Variants in ITGA7 observed in about 807,000 individuals in gnomAD.
ITGA7 encodes integrin alpha-7.
Under a neutral mutation model 131.6 loss-of-function variants are expected in ITGA7, and 84 were observed. The ratio of observed to expected loss-of-function variants is 0.64; its 90% CI spans 0.54 to 0.77. The LOEUF is 0.77. ITGA7 is among the 30% of genes least tolerant of loss of function. The pLI, the probability that ITGA7 is intolerant of heterozygous loss-of-function variation, is 0.00. For missense variants in ITGA7, 1,399 were observed against 1,482.9 expected (o/e 0.94, Z 0.93); for synonymous variants, 548 against 600.7 (o/e 0.91, Z 1.28).
upstream of ITGA7, among the ~76,000 whole-genome samples, chr12:55,712,955 G>A (rs1432867574): frequency 6.6e-6 from 1 of 152,042 alleles, no homozygotes; most frequent in East Asian, 1.9e-4. Flanking sequence ...GAAGGGTGAG[G>A]GTAATACAGG....
At chr12:55,702,523 C>T (rs968027892) in intron 3 of ITGA7, among the ~76,000 whole-genome samples, 2 of 152,066 alleles carry the variant, frequency 1.3e-5, no homozygotes, top group Non-Finnish European at 2.9e-5. Context: ...CCATGTTGGT[C>T]CGGCTGGTCT....
intron 7 of ITGA7, 109 bp from the exon 8 acceptor site, chr12:55,698,135 G>T: frequency 1.8e-6 from 2 of 1,097,828 alleles, no homozygotes; most frequent in Non-Finnish European, 2.8e-6. Context: ...TTATTGAGAG[G>T]CTACAAAATC....
At position 55,685,078 on chromosome 12, in the gene ITGA7, G is replaced by A. The variant is rs1869765715; in HGVS notation, c.3394C>T (p.Pro1132Ser). ...GHPELGPDGH[P>S]GPGTA ...GGAACCTAGGCGGTGCCTGGCCCTG[G>A]ATGCCCATCGGGGCCCAGCTCGGGA... Residue 1132 changes from proline (P) to serine (S), a missense_variant, in exon 25 of 25, where the codon CCA becomes TCA. Physicochemically the swap from Pro to Ser is moderately conservative, Grantham distance 74. Transcript: ENST00000257879. The A allele has an allele frequency of 6.3e-7, 1 of 1,596,088 alleles. No individual in the cohort carries two copies. The highest frequency in any genetic ancestry group is 1.1e-5 in the South Asian group (1 of 89,438).
chr12:55,697,153 C>A, intron 11 of ITGA7, 63 bp downstream of exon 11: 1 of 1,574,232 alleles, frequency 6.4e-7, no homozygotes, highest in Non-Finnish European at 8.6e-7. Flanking sequence ...TCTACCACCT[C>A]GAAGTGACCC....
chr12:55,707,974 G>T (rs901830670), upstream of ITGA7: 158 of 1,296,458 alleles, frequency 1.2e-4, no homozygotes, highest in Non-Finnish European at 1.5e-4. Context: ...TCGCTCCCGC[G>T]GCAGGTGGAG....
At chr12:55,714,717 T>C (rs1009542167), upstream of ITGA7, among the ~76,000 whole-genome samples, 6 of 150,212 alleles carry the variant, frequency 4.0e-5, no homozygotes, top group South Asian at 2.1e-4. Context: ...TATACATATA[T>C]ACATATACAT....
intron 8 of ITGA7, 41 bp from the exon 9 acceptor site, chr12:55,697,863 G>C: frequency 6.2e-7 from 1 of 1,613,880 alleles, no homozygotes; most frequent in Non-Finnish European, 8.5e-7. Flanking sequence ...CCCACCTCCC[G>C]CAGGCCTCTG....
chr12:55,705,251 T>C (rs1304624659), intron 1 of ITGA7, among the ~76,000 whole-genome samples: 1 of 151,226 alleles, frequency 6.6e-6, no homozygotes, highest in Non-Finnish European at 1.5e-5. Context: ...CCCAGCAGCA[T>C]CCTCTCTAGT....
chr12:55,709,530 C>T (rs1875848168), upstream of ITGA7, among the ~76,000 whole-genome samples: 5 of 152,186 alleles, frequency 3.3e-5, no homozygotes, highest in Admixed American at 3.3e-4. Context: ...CATATGCTGT[C>T]AGCAGGGCTG....
In ITGA7 at chr12:55,698,753, C is replaced by T. The variant is rs200793865; in HGVS notation, c.955G>A (p.Gly319Ser). Residue 319 changes from glycine (G) to serine (S), a missense_variant, in exon 6 of 25, where the codon GGC becomes AGC. By Grantham distance (56) the Gly-to-Ser change is moderately conservative (BLOSUM62 0). Transcript: ENST00000257879. The stretch of plus-strand genomic sequence containing the variant: ...GCCACAGCCAGTGAGTAGCCAAAGC[C>T]GGAGGTCAGGCGCTCCCCAGACAGC... ...VMLSGERLTS[G>S]FGYSLAVADL... 7.7e-5 allele frequency: 125 copies of T among 1,614,150 alleles called. 4 individuals carry two copies. In the Middle Eastern group the frequency reaches 8.2e-4, roughly 11 times the overall value.
intron 24 of ITGA7, 27 bp downstream of exon 24, chr12:55,687,944 C>T (rs758584095): frequency 1.9e-6 from 3 of 1,613,808 alleles, no homozygotes; most frequent in Non-Finnish European, 2.5e-6. Flanking sequence ...GAAGTCCACC[C>T]CCATCAGCCC....
intron 24 of ITGA7, chr12:55,686,174 T>C (rs1870077852): frequency 8.1e-7 from 1 of 1,239,248 alleles, no homozygotes; most frequent in African/African-American, 1.5e-5. Context: ...CCACACACAC[T>C]AGACACATGC....
At chr12:55,699,045 G>GC in intron 5 of ITGA7, 128 bp from the exon 6 acceptor site, 1 of 811,304 alleles carries the variant, frequency 1.2e-6, no homozygotes, top group Non-Finnish European at 2.0e-6. Context: ...CCTGCACCCT[G>GC]CCCCCTCCCC....
rs2135989605 is a variant in ITGA7, at chr12:55,693,153, G to A, written c.2700C>T (p.Asn900=). The change falls in exon 20 of 25, where the codon AAC becomes AAT. Residue 900 remains asparagine, a synonymous_variant. Coordinates refer to ENST00000257879, the MANE Select transcript of ITGA7 (RefSeq NM_002206.3). ...GQKGLCSPRP[N]ILHLDVDSRD... ...ACCTAAGCCTCACCAGGTGGAGGAT[G>A]TTGGGCCTGGGAGAGCAAAGCCCTT... 3 of 1,613,918 alleles carry A rather than the reference G, an allele frequency of 1.9e-6. No individual in the cohort carries two copies. The highest frequency in any genetic ancestry group is 2.2e-5 in the East Asian group (1 of 44,862).
At chr12:55,701,462 T>C (rs577670389) in intron 3 of ITGA7, 1 of 1,544,646 alleles carries the variant, frequency 6.5e-7, no homozygotes, top group East Asian at 2.4e-5. Flanking sequence ...ATAGGATGTG[T>C]GTCTCCCTGA....
rs759870481 is a variant in ITGA7, at chr12:55,699,892, G to A, written c.768C>T (p.Asp256=). 5.6e-6 allele frequency: 9 copies of A among 1,611,254 alleles called. No homozygotes were observed. In the East Asian group the frequency reaches 1.6e-4, roughly 28 times the overall value. Residue 256 remains aspartate, a synonymous_variant, in exon 5 of 25, where the codon GAC becomes GAT. Coordinates refer to ENST00000257879, the MANE Select transcript of ITGA7 (RefSeq NM_002206.3). ...PADRLPGPAG[D]LALNSYLGFS... ...AACCTAAGTAGCTATTGAGGGCCAA[G>A]TCTCCGGCTGGTCCTGGGAGCCGGT...
intron 5 of ITGA7, chr12:55,699,650 C>T: frequency 1.7e-6 from 1 of 595,790 alleles, no homozygotes; most frequent in Non-Finnish European, 3.0e-6. Context: ...TCCATGGAGA[C>T]CCCTGGCTCA....
upstream of ITGA7, among the ~76,000 whole-genome samples, chr12:55,715,049 C>A (rs1462656345): frequency 6.6e-6 from 1 of 151,976 alleles, no homozygotes; most frequent in Admixed American, 6.6e-5. Flanking sequence ...TTAGTAGATA[C>A]AAGGTTTCAC....
intron 3 of ITGA7, among the ~76,000 whole-genome samples, chr12:55,701,949 G>A (rs1229173688): frequency 2.0e-5 from 3 of 151,874 alleles, no homozygotes; most frequent in Non-Finnish European, 4.4e-5. Flanking sequence ...TGGTAATTGT[G>A]TATCTATGCG....
Sources: gnomAD v4.1 joint callset for allele counts (sites outside exome capture counted in the v4.1 genomes callset) on GRCh38, gnomAD v4.1.1 for gene constraint, MANE v1.5 for transcripts, NCBI Gene and HGNC (gene_info 2026-07-23, HGNC 2026-07-21) for gene names.